The following C12orf75 variants were observed in gnomAD, a reference collection of about 807,000 sequenced individuals.
C12orf75 encodes the protein overexpressed in colon carcinoma 1 protein.
A neutral mutation model predicts 11.4 loss-of-function variants in C12orf75; 4 were observed. The ratio of observed to expected loss-of-function variants is 0.35; its 90% CI spans 0.17 to 0.80. The LOEUF (loss-of-function observed/expected upper bound fraction) is 0.80. Among genes scored for constraint, C12orf75 ranks in the 30% least tolerant of loss-of-function variants. C12orf75 has a pLI of 0.52. For synonymous variants in C12orf75, 30 were observed against 30.0 expected (o/e 1.00, Z 0.00); for missense variants, 89 against 80.4 (o/e 1.11, Z -0.41).
At chr12:105,360,192 G>A (rs959677932) in intron 2 of C12orf75, among the ~76,000 whole-genome samples, 3 of 152,212 alleles carry the variant, frequency 2.0e-5, no homozygotes, top group Admixed American at 6.5e-5. Context: ...GCTGGGGAGG[G>A]TGTGGCTCTG....
chr12:105,344,784 C>T (rs965212421), intron 1 of C12orf75, among the ~76,000 whole-genome samples: 1 of 151,550 alleles, frequency 6.6e-6, no homozygotes, highest in Non-Finnish European at 1.5e-5. Context: ...TCATGGTCCA[C>T]ATTATAATCA....
intron 2 of C12orf75, among the ~76,000 whole-genome samples, chr12:105,352,522 A>G (rs1023861262): frequency 2.0e-4 from 31 of 152,180 alleles, no homozygotes; most frequent in African/African-American, 7.0e-4. Flanking sequence ...CATTATGAAC[A>G]TTTTACACTT....
chr12:105,360,710 G>A (rs555383199), intron 2 of C12orf75, among the ~76,000 whole-genome samples: 1 of 152,204 alleles, frequency 6.6e-6, no homozygotes, highest in African/African-American at 2.4e-5. Flanking sequence ...GGAGTGCAGT[G>A]GCGTGATCTC....
intron 1 of C12orf75, among the ~76,000 whole-genome samples, 193 bp from the exon 2 acceptor site, chr12:105,348,409 T>C (rs1020056982): frequency 1.5e-5 from 2 of 131,334 alleles, no homozygotes; most frequent in Non-Finnish European, 3.2e-5. Flanking sequence ...AGTGAGACTG[T>C]ATCTGAAACA....
chr12:105,346,164 C>T (rs1228575658), intron 1 of C12orf75, among the ~76,000 whole-genome samples: 1 of 152,004 alleles, frequency 6.6e-6, no homozygotes, highest in African/African-American at 2.4e-5. Context: ...ACCCCCCACA[C>T]CCCCACCACT....
chr12:105,349,391 C>T (rs886241901), intron 2 of C12orf75, among the ~76,000 whole-genome samples: 1 of 152,188 alleles, frequency 6.6e-6, no homozygotes, highest in Non-Finnish European at 1.5e-5. Context: ...CTGGGGAGAG[C>T]AGGGCAGCCA....
rs67643973 is a variant in C12orf75, at chr12:105,357,778, C to CTGTGTGTGTGTGTGTGTGTGTG, written c.72-8020_72-7999dup. 6.0e-3 allele frequency among the ~76,000 whole-genome samples: 824 copies of CTGTGTGTGTGTGTGTGTGTGTG among 137,264 alleles called. 6 individuals carry two copies. The highest frequency in any genetic ancestry group is 8.2e-3 in the Non-Finnish European group (517 of 63,186). The allele number at this position is 137,264 out of a possible 152,430, so 90.1% of individuals were successfully genotyped here. ...TTTAGTTGAATGCCCAATGTATTTTCTGTGTGTGTGTGTGTGTGTGTGTGT... is the reference window on the plus strand; with the variant it reads ...TTTAGTTGAATGCCCAATGTATTTTCTGTGTGTGTGTGTGTGTGTGTGTGTGTGTGTGTGTGTGTGTGTGTGT... On this transcript the variant is annotated intron_variant, in intron 2 of 5. Coordinates refer to ENST00000443585, the MANE Select transcript of C12orf75 (RefSeq NM_001145199.2).
chr12:105,365,788 A>G lies in C12orf75; in HGVS notation c.72-19A>G. 1.3e-6 allele frequency: 2 copies of G among 1,540,324 alleles called. No homozygotes were observed. The highest frequency in any genetic ancestry group is 1.8e-6 in the Non-Finnish European group (2 of 1,136,660). ...CTATGTAACCAAGTGTCTCATAGCA[A>G]ATGTTTCTGACCTTTTAGAACAGAA... On this transcript the variant is annotated intron_variant, in intron 2 of 5. Transcript: ENST00000443585.
At chr12:105,341,666 T>C (rs1892575893) in intron 1 of C12orf75, among the ~76,000 whole-genome samples, 1 of 152,206 alleles carries the variant, frequency 6.6e-6, no homozygotes, top group Admixed American at 6.5e-5. Context: ...TGCAGAAGCC[T>C]CTGGCCCCAG....
At chr12:105,334,425 A>G (rs780167289) in intron 1 of C12orf75, among the ~76,000 whole-genome samples, 2 of 152,022 alleles carry the variant, frequency 1.3e-5, no homozygotes, top group Non-Finnish European at 2.9e-5. Context: ...GTTAAATCAG[A>G]GAAGTCCTCC....
intron 2 of C12orf75, among the ~76,000 whole-genome samples, chr12:105,361,827 G>T (rs951742951): frequency 6.6e-6 from 1 of 152,190 alleles, no homozygotes; most frequent in African/African-American, 2.4e-5. Context: ...CTATCCTTCC[G>T]CAGGAAGAGT....
At chr12:105,365,925 A>G in intron 3 of C12orf75, 83 bp downstream of exon 3, 2 of 866,460 alleles carry the variant, frequency 2.3e-6, no homozygotes, top group East Asian at 2.6e-5. Flanking sequence ...CATATTCCCA[A>G]TAACACAGAT....
intron 2 of C12orf75, among the ~76,000 whole-genome samples, chr12:105,360,623 T>C (rs576204442): frequency 2.0e-5 from 3 of 152,306 alleles, no homozygotes; most frequent in African/African-American, 7.2e-5. Context: ...GGCACTTACA[T>C]GTGTAAGAAA....
At chr12:105,348,306 T>C (rs1892663874) in intron 1 of C12orf75, among the ~76,000 whole-genome samples, 2 of 151,610 alleles carry the variant, frequency 1.3e-5, no homozygotes, top group African/African-American at 2.4e-5. Flanking sequence ...TCCGAGCTAC[T>C]CAGGAGGCTG....
chr12:105,369,235 G>A (rs1871563304), intron 5 of C12orf75, among the ~76,000 whole-genome samples: 1 of 151,736 alleles, frequency 6.6e-6, no homozygotes, highest in Non-Finnish European at 1.5e-5. Flanking sequence ...GCTCACCCTT[G>A]TGGGTGGATC....
Position 105,349,630 on chromosome 12 carries a change from C to T in C12orf75, c.71+1004C>T, listed in dbSNP as rs143549908. 3.2e-4 allele frequency among the ~76,000 whole-genome samples: 49 copies of T among 152,236 alleles called. No homozygotes were observed. The East Asian group carries it at 8.3e-3, about 26-fold the overall frequency. On this transcript the variant is annotated intron_variant, in intron 2 of 5. Coordinates refer to ENST00000443585, the MANE Select transcript of C12orf75 (RefSeq NM_001145199.2). ...GTGGCGCATGCCTGTAATCCCAGCA[C>T]TTTGGGAGGCTGAGGCGGGTGGATC...
intron 2 of C12orf75, among the ~76,000 whole-genome samples, chr12:105,350,194 T>C (rs775700004): frequency 1.3e-5 from 2 of 152,260 alleles, no homozygotes; most frequent in Non-Finnish European, 2.9e-5. Context: ...CCTCAAGCAC[T>C]GCCCTGCACT....
chr12:105,354,684 A>G (rs1892753155), intron 2 of C12orf75, among the ~76,000 whole-genome samples: 1 of 150,048 alleles, frequency 6.7e-6, no homozygotes, highest in Admixed American at 6.6e-5. Context: ...TGCTGTGGTT[A>G]GAAATCATAT....
chr12:105,334,157 C>T (rs969705726), intron 1 of C12orf75, among the ~76,000 whole-genome samples: 4 of 152,174 alleles, frequency 2.6e-5, no homozygotes, highest in African/African-American at 9.7e-5. Flanking sequence ...GGTAGACTTG[C>T]CCCTGGAGTA....
Sources: allele counts gnomAD v4.1 joint callset (sites outside exome capture counted in the v4.1 genomes callset), GRCh38; gene constraint gnomAD v4.1.1; transcripts MANE v1.5; gene names NCBI Gene and HGNC (gene_info 2026-07-23, HGNC 2026-07-21).